PRR12: variants seen among roughly 807,000 people sequenced by gnomAD.
The protein encoded by PRR12 is proline-rich protein 12.
Under a neutral mutation model 138.0 loss-of-function variants are expected in PRR12, and 12 were observed. The observed-to-expected ratio is 0.09, with a 90% CI of 0.06 to 0.14. The LOEUF (loss-of-function observed/expected upper bound fraction) is 0.14, where lower values mean the gene tolerates loss of function less well. Among genes scored for constraint, PRR12 ranks in the 10% least tolerant of loss-of-function variants. PRR12 has a pLI of 1.00. For missense variants in PRR12, 2,692 were observed against 2,861.3 expected, an observed-to-expected ratio of 0.94 and a Z score of 1.35; for synonymous variants, 1,567 against 1,291.7, an observed-to-expected ratio of 1.21 and a Z score of -4.57.
chr19:49,593,736 A>G (rs1001067930), intron 2 of PRR12, among the ~76,000 whole-genome samples: 7 of 151,592 alleles, frequency 4.6e-5, no homozygotes, highest in South Asian at 4.2e-4. Flanking sequence ...ACCCACCCCA[A>G]TTCTTTCCCT....
chr19:49,601,625 A>G lies in PRR12; in HGVS notation c.4480A>G (p.Ser1494Gly), dbSNP rs2080811087. Residue 1494 changes from serine (S) to glycine (G), a missense_variant, in exon 6 of 14, where the codon AGC becomes GGC. Ser to Gly is a moderately conservative substitution (Grantham distance 56). Around this residue, in one of 11 missense-constraint regions of PRR12, gnomAD observed 231 missense variants for 200.8 expected, o/e 1.15. Coordinates refer to ENST00000418929, the MANE Select transcript of PRR12 (RefSeq NM_020719.3). ...SPPPLVAPTP[S>G]SPPPPPLPPP... ...ACCCCCGCTGGTGGCCCCCACGCCC[A>G]GCTCACCACCGCCACCGCCGCTGCC... The G allele has an allele frequency of 4.0e-6, 6 of 1,516,884 alleles. No homozygotes were observed. Among genetic ancestry groups the G allele is most frequent in the South Asian group, 1.2e-5 (1 of 83,162 alleles). 94.0% of individuals were successfully genotyped at this position (1,516,884 alleles called of 1,614,324 possible). A position where few individuals can be genotyped will look rare whatever the true frequency, so the allele number is the denominator to read the frequency against.
At chr19:49,604,046 C>T (rs1451919329) in intron 6 of PRR12, among the ~76,000 whole-genome samples, 1 of 151,978 alleles carries the variant, frequency 6.6e-6, no homozygotes, top group Non-Finnish European at 1.5e-5. Context: ...CTCTTGAACT[C>T]CTTACCTTGT....
Position 49,597,566 on chromosome 19 carries a change from C to T in PRR12, c.3231C>T (p.Ser1077=), listed in dbSNP as rs1157688817. 5.6e-6 allele frequency: 9 copies of T among 1,597,936 alleles called. No individual in the cohort carries two copies. Among genetic ancestry groups the T allele is most frequent in the Non-Finnish European group, 7.7e-6 (9 of 1,173,982 alleles). ...TKPKKLLKTS[S]FHLLRRRDPP... is the part of the protein sequence containing the mutation. ...CAAAGAAGCTGCTCAAGACATCCTC[C>T]TTCCACCTGCTGCGGCGCCGCGACC... The change falls in exon 4 of 14, where the codon TCC becomes TCT. Residue 1077 remains serine (S), a synonymous_variant. Coordinates refer to ENST00000418929, the MANE Select transcript of PRR12 (RefSeq NM_020719.3). This position sits in a 1 kb window ranked among gnomAD's most constrained non-coding sequence, Gnocchi z 6.3.
Position 49,599,262 on chromosome 19 carries a change from C to G in PRR12, c.3679-10C>G. ...ACTGGGCCCTCACGGCCCGCCACTC[C>G]CATGTCTAGATCAAGCTGTCTGTGC... On this transcript the variant is annotated splice_polypyrimidine_tract_variant and intron_variant, in intron 4 of 13. Transcript: ENST00000418929. This position sits in a 1 kb window ranked among gnomAD's most constrained non-coding sequence, Gnocchi z 5.0. The G allele has an allele frequency of 3.8e-6, 6 of 1,578,116 alleles. No individual in the cohort carries two copies. Among genetic ancestry groups the G allele is most frequent in the Non-Finnish European group, 5.2e-6 (6 of 1,161,512 alleles).
chr19:49,606,309 TTTC>T (rs1224166817), intron 6 of PRR12, among the ~76,000 whole-genome samples: 4 of 143,264 alleles, frequency 2.8e-5, no homozygotes, highest in African/African-American at 5.4e-5. Flanking sequence ...TGGACTTTTT[TTTC>T]TTCTTTTTTT....
intron 6 of PRR12, among the ~76,000 whole-genome samples, chr19:49,605,102 C>T (rs529202836): frequency 2.0e-5 from 3 of 151,844 alleles, no homozygotes; most frequent in Admixed American, 6.6e-5. Flanking sequence ...CCACCCGCCT[C>T]GGCCTCCCAA....
Position 49,615,928 on chromosome 19 carries a change from C to G in PRR12, c.5206C>G (p.Arg1736Gly), listed in dbSNP as rs200319638. 774 of 1,556,692 alleles carry G rather than the reference C, an allele frequency of 5.0e-4. 4 individuals are homozygous for G. Among genetic ancestry groups the G allele is most frequent in the South Asian group, 7.9e-4 (67 of 84,566 alleles). ...TGCCCCCGAGAAGCCCTCCCTCCTG[C>G]GGCCTGTTGAGAAGGAAAAGGAGAA... ...PPAPEKPSLL[R>G]PVEKEKEKEK... The change falls in exon 9 of 14, where the codon CGG becomes GGG. Residue 1736 changes from arginine to glycine, a missense_variant. This residue lies in a region of PRR12 where 259 missense variants were observed against 265.1 expected (regional missense o/e 0.98). Transcript: ENST00000418929.
At chr19:49,620,232 CT>C in intron 9 of PRR12, 119 bp from the exon 10 acceptor site, 1 of 1,383,122 alleles carries the variant, frequency 7.2e-7, no homozygotes, top group Non-Finnish European at 9.9e-7. Flanking sequence ...CCCTAGCGGA[CT>C]TGGACCTCCC....
rs529932268 is a variant in PRR12 at position 49,595,112 on chromosome 19, G to A, written c.777G>A (p.Glu259=). ...CTTCCGCTGCCGCCGCCGCTGCCGAGCAGTCCTCCCCACAGCTCTATAACT... is the reference window on the plus strand; with the variant it reads ...CTTCCGCTGCCGCCGCCGCTGCCGAACAGTCCTCCCCACAGCTCTATAACT... ...ASSSAAAAAA[E]QSSPQLYNFS... Residue 259 remains glutamate (E), a synonymous_variant, in exon 4 of 14, where the codon GAG becomes GAA. Coordinates refer to ENST00000418929, the MANE Select transcript of PRR12 (RefSeq NM_020719.3). 72 of 1,612,004 alleles carry A rather than the reference G, an allele frequency of 4.5e-5. No homozygotes were observed. In the East Asian group the frequency reaches 9.8e-4, roughly 22 times the overall value.
At position 49,594,920 on chromosome 19, in the gene PRR12, G is replaced by T; in HGVS notation, c.585G>T (p.Gln195His). Residue 195 changes from glutamine to histidine, a missense_variant, in exon 4 of 14, where the codon CAG becomes CAT. Physicochemically the swap from Gln to His is conservative, Grantham distance 24. This residue lies in a region of PRR12 where 523 missense variants were observed against 496.4 expected (regional missense o/e 1.05). Transcript: ENST00000418929. This position sits in a 1 kb window ranked among gnomAD's most constrained non-coding sequence, Gnocchi z 5.6. ...PHDVLHLKPS[Q>H]APTVPSSLGF... ...ACGTGCTGCACCTGAAGCCCTCGCA[G>T]GCACCCACGGTGCCCTCTTCACTGG... 1 of 1,607,428 alleles carries T rather than the reference G, an allele frequency of 6.2e-7. No homozygotes were observed.
rs2080888668 is a variant in PRR12, at chr19:49,615,738, C to G, written c.5025-9C>G. The G allele has an allele frequency of 1.9e-6, 3 of 1,609,250 alleles. No homozygotes were observed. Among genetic ancestry groups the G allele is most frequent in the South Asian group, 2.2e-5 (2 of 90,464 alleles). On this transcript the variant is annotated splice_polypyrimidine_tract_variant and intron_variant, in intron 8 of 13. Transcript: ENST00000418929. ...TGCTGACTACAGTCCCTTCTCTGTT[C>G]CCTTCTAGACGCTCTGGGCAGGCCA...
At position 49,596,626 on chromosome 19, in the gene PRR12, C is replaced by G. The variant is rs755199682; in HGVS notation, c.2291C>G (p.Pro764Arg). The change falls in exon 4 of 14, where the codon CCT (proline) becomes CGT (arginine). Residue 764 changes from proline to arginine, a missense_variant. Coordinates refer to ENST00000418929, the MANE Select transcript of PRR12 (RefSeq NM_020719.3). This position sits in a 1 kb window ranked among gnomAD's most constrained non-coding sequence, Gnocchi z 5.6. The stretch of plus-strand genomic sequence containing the variant: ...CTGGGGGCCTTCTTGCAAAAGAGCC[C>G]TCCGCCCCCACCTCCCACGGCCCAG... Reference protein sequence around the residue: ...KELGAFLQKSPPPPPPTAQST... With the variant: ...KELGAFLQKSRPPPPPTAQST... 6 of 1,594,216 alleles carry G rather than the reference C, an allele frequency of 3.8e-6. No homozygotes were observed. In the Admixed American group the frequency reaches 1.0e-4, roughly 28 times the overall value.
At position 49,594,290 on chromosome 19, in the gene PRR12, A is replaced by G. The variant is rs7251877; in HGVS notation, c.200-164A>G. Among the ~76,000 whole-genome samples the G allele has an allele frequency of 0.33, 49,595 of 149,500 alleles. 9,343 individuals carry two copies. Among genetic ancestry groups the G allele is most frequent in the African/African-American group, 0.52 (21,354 of 40,802 alleles). On this transcript the variant is annotated intron_variant, in intron 2 of 13. Coordinates refer to ENST00000418929, the MANE Select transcript of PRR12 (RefSeq NM_020719.3). This position sits in a 1 kb window ranked among gnomAD's most constrained non-coding sequence, Gnocchi z 5.6. Reference sequence around the variant, plus strand: ...CTTTCCCCCTTCCCTCCCCTCATTCATGTCTCATTAGCTTGGTTCTATCCA... The same window carrying G: ...CTTTCCCCCTTCCCTCCCCTCATTCGTGTCTCATTAGCTTGGTTCTATCCA...
chr19:49,599,580 C>G lies in PRR12; in HGVS notation c.3987C>G (p.Thr1329=). 2 of 1,595,382 alleles carry G rather than the reference C, an allele frequency of 1.3e-6. No individual in the cohort carries two copies. Among genetic ancestry groups the G allele is most frequent in the Non-Finnish European group, 8.5e-7 (1 of 1,170,720 alleles). ...ARGLQPQPPA[T]PAVPHPPPSG... ...GCCTGCAGCCCCAGCCCCCTGCCAC[C>G]CCTGCTGTGCCACATCCCCCACCTT... The change falls in exon 5 of 14, where the codon ACC becomes ACG. Residue 1329 remains threonine, a synonymous_variant. Transcript: ENST00000418929. This position sits in a 1 kb window ranked among gnomAD's most constrained non-coding sequence, Gnocchi z 5.0.
chr19:49,591,790 AGCCGGGCCGGGCCGG>A (rs146415405), intron 1 of PRR12, 50 bp downstream of exon 1: 16 of 1,069,864 alleles, frequency 1.5e-5, no homozygotes, highest in African/African-American at 9.2e-5. Context: ...GTGGGAGCCC[AGCCGGGCCGGGCCGG>A]GCCGGGCCGG....
At chr19:49,598,036 A>G (rs2080786972) in intron 4 of PRR12, 23 bp downstream of exon 4, 1 of 1,302,942 alleles carries the variant, frequency 7.7e-7, no homozygotes, top group Non-Finnish European at 9.8e-7. Flanking sequence ...GGGGTCTTGT[A>G]GGGGATAGGG....
Position 49,601,538 on chromosome 19 carries a change from C to T in PRR12, c.4393C>T (p.Pro1465Ser), listed in dbSNP as rs1294811326. ...EKPPPTPPPA[P>S]TPQPQPPPPP... is the part of the protein sequence containing the mutation. Reference sequence around the variant, plus strand: ...ACCCCCACCCACTCCACCTCCTGCCCCGACTCCTCAGCCTCAGCCTCCGCC... The same window carrying T: ...ACCCCCACCCACTCCACCTCCTGCCTCGACTCCTCAGCCTCAGCCTCCGCC... The change falls in exon 6 of 14, where the codon CCG becomes TCG. Residue 1465 changes from proline (P) to serine (S), a missense_variant. Transcript: ENST00000418929. 1.9e-6 allele frequency: 3 copies of T among 1,541,494 alleles called. No homozygotes were observed. Among genetic ancestry groups the T allele is most frequent in the Non-Finnish European group, 2.6e-6 (3 of 1,139,754 alleles).
chr19:49,607,361 G>GCGCGCACACACACACACACACACA (rs1555742564), intron 6 of PRR12, among the ~76,000 whole-genome samples: 33 of 147,864 alleles, frequency 2.2e-4, no homozygotes, highest in Admixed American at 9.4e-4. Flanking sequence ...ATGTACGTGT[G>GCGCGCACACACACACACACACACA]CACACACACA....
chr19:49,593,213 A>T, intron 1 of PRR12, 114 bp from the exon 2 acceptor site: 271 of 450,338 alleles, frequency 6.0e-4, no homozygotes, highest in Middle Eastern at 1.5e-3. Context: ...TTAGCTTAAC[A>T]CCCCCCACCC....
Sources: allele counts gnomAD v4.1 joint callset (sites outside exome capture counted in the v4.1 genomes callset), GRCh38; gene constraint gnomAD v4.1.1; regional missense constraint gnomAD v4.1.1; non-coding constraint Gnocchi (gnomAD v3.1); transcripts MANE v1.5; gene names NCBI Gene and HGNC (gene_info 2026-07-23, HGNC 2026-07-21).